Variants in RPS6KA2 observed in about 807,000 individuals in gnomAD.
The protein encoded by RPS6KA2 is ribosomal protein S6 kinase A2.
RPS6KA2 carries 42 observed loss-of-function variants against 91.8 expected under a neutral mutation model. That is an observed-to-expected ratio of 0.46 (90% CI 0.36 to 0.59). The LOEUF is 0.59. RPS6KA2 is among the 20% of genes least tolerant of loss of function. The pLI, the probability that RPS6KA2 is intolerant of heterozygous loss-of-function variation, is 0.00. For synonymous variants in RPS6KA2, 414 were observed against 393.6 expected, an observed-to-expected ratio of 1.05 and a Z score of -0.61; for missense variants, 798 against 978.5, an observed-to-expected ratio of 0.82 and a Z score of 2.46.
At chr6:166,742,137 A>C (rs1790834896) in intron 2 of RPS6KA2, among the ~76,000 whole-genome samples, 1 of 152,138 alleles carries the variant, frequency 6.6e-6, no homozygotes, top group Non-Finnish European at 1.5e-5. Context: ...CATCTCAAAA[A>C]CAAAAAACAA....
chr6:166,564,193 T>C (rs557020453), intron 1 of RPS6KA2, among the ~76,000 whole-genome samples: 1 of 152,354 alleles, frequency 6.6e-6, no homozygotes, highest in South Asian at 2.1e-4. Flanking sequence ...TCATAGTTCT[T>C]TCCTCCTCCA....
intron 1 of RPS6KA2, among the ~76,000 whole-genome samples, chr6:166,561,171 CT>C (rs1190044067): frequency 2.6e-5 from 4 of 152,028 alleles, no homozygotes; most frequent in Non-Finnish European, 5.9e-5. Flanking sequence ...CACACTCCCC[CT>C]GGAGCCCTAC....
intron 1 of RPS6KA2, among the ~76,000 whole-genome samples, chr6:166,622,314 C>A: frequency 6.6e-6 from 1 of 151,916 alleles, no homozygotes; most frequent in East Asian, 1.9e-4. Flanking sequence ...GAAATTGTGA[C>A]CACAAATAAG....
chr6:166,862,196 C>T, exon 1 of RPS6KA2: 1 of 1,613,868 alleles, frequency 6.2e-7, no homozygotes, highest in Non-Finnish European at 8.5e-7. Flanking sequence ...TTCTGCTGGT[C>T]GAGTATTGAT....
intron 2 of RPS6KA2, among the ~76,000 whole-genome samples, chr6:166,687,662 G>C (rs1789067060): frequency 1.3e-5 from 2 of 152,246 alleles, no homozygotes; most frequent in Non-Finnish European, 2.9e-5. Context: ...AATTTGCTCA[G>C]ATGTGGCTTA....
chr6:166,458,382 T>C (rs1780171456), intron 12 of RPS6KA2, among the ~76,000 whole-genome samples: 3 of 152,198 alleles, frequency 2.0e-5, no homozygotes, highest in Admixed American at 6.5e-5. Flanking sequence ...CCACGTAAGA[T>C]GGGGCTTGCT....
chr6:166,497,694 G>T (rs1308444290), intron 8 of RPS6KA2, among the ~76,000 whole-genome samples: 1 of 152,250 alleles, frequency 6.6e-6, no homozygotes, highest in Non-Finnish European at 1.5e-5. Flanking sequence ...AGGGGACGAG[G>T]AGTAGGGTGT....
In RPS6KA2 at chr6:166,423,178, G is replaced by C; in HGVS notation, c.1743+78C>G. On this transcript the variant is annotated intron_variant, in intron 17 of 20. Coordinates refer to ENST00000265678, the MANE Select transcript of RPS6KA2 (RefSeq NM_021135.6). The surrounding 1 kb of genome is among the most constrained non-coding windows in gnomAD (Gnocchi z 4.8). ...GCCGCCTCTGACATCCCCGCTGTCC[G>C]GTGGCTCTGCAGTGGGAGGGGGCAG... The C allele has an allele frequency of 6.9e-7, 1 of 1,446,546 alleles. No individual in the cohort carries two copies. 89.6% of individuals were successfully genotyped at this position (1,446,546 alleles called of 1,614,324 possible).
rs980035894 is a variant in RPS6KA2 at position 166,500,936 on chromosome 6, G to A, written c.567-12C>T. The A allele has an allele frequency of 6.2e-7, 1 of 1,613,462 alleles. No homozygotes were observed. Among genetic ancestry groups the A allele is most frequent in the South Asian group, 1.1e-5 (1 of 91,016 alleles). On this transcript the variant is annotated splice_polypyrimidine_tract_variant and intron_variant, in intron 6 of 20. Transcript: ENST00000265678. The surrounding 1 kb of genome is among the most constrained non-coding windows in gnomAD (Gnocchi z 4.3). ...CATCCAGGAGGATGCTAAAAGAAAG[G>A]GAGAGAAAACAGATGCTTTAGAAAG...
Position 166,469,858 on chromosome 6 carries a change from C to A in RPS6KA2, c.955G>T (p.Val319Leu). 6.2e-7 allele frequency: 1 copy of A among 1,614,204 alleles called. No individual in the cohort carries two copies. The highest frequency in any genetic ancestry group is 8.5e-7 in the Non-Finnish European group (1 of 1,180,010). ...CAACTTACGTTCCAGTCTATGGTCACAAAGAAGGGATGGCGCTTAATTTCC... is the reference window on the plus strand; with the variant it reads ...CAACTTACGTTCCAGTCTATGGTCAAAAAGAAGGGATGGCGCTTAATTTCC... ...VEEIKRHPFF[V>L]TIDWNTLYRK... The change falls in exon 11 of 21, where the codon GTG becomes TTG. Residue 319 changes from valine to leucine, a missense_variant. By Grantham distance (32) the Val-to-Leu change is conservative. Transcript: ENST00000265678.
rs1780693925 is a variant in RPS6KA2, at chr6:166,849,822, G to C, written c.123+8378C>G. ...TGAATTCTCGCCTTCGCTTTCTTTG[G>C]AAATGGTTTTATAGGGTTTGCTCCA... On this transcript the variant is annotated intron_variant, in intron 2 of 21. Transcript: ENST00000503859. This position sits in a 1 kb window ranked among gnomAD's most constrained non-coding sequence, Gnocchi z 4.9. 6.6e-6 allele frequency among the ~76,000 whole-genome samples: 1 copy of C among 152,200 alleles called. No homozygotes were observed. Among genetic ancestry groups the C allele is most frequent in the South Asian group, 2.1e-4 (1 of 4,832 alleles).
At chr6:166,759,647 A>G (rs559327599) in intron 2 of RPS6KA2, among the ~76,000 whole-genome samples, 78 of 152,368 alleles carry the variant, frequency 5.1e-4, no homozygotes, top group African/African-American at 1.6e-3. Context: ...CTTTTCTCCA[A>G]AATGAATCCA....
intron 2 of RPS6KA2, among the ~76,000 whole-genome samples, chr6:166,731,494 CA>C (rs1790517640): frequency 6.6e-6 from 1 of 152,100 alleles, no homozygotes; most frequent in Non-Finnish European, 1.5e-5. Flanking sequence ...GACAAAGTAA[CA>C]AATGTCGGAA....
chr6:166,802,555 A>G (rs1189550550), intron 2 of RPS6KA2, among the ~76,000 whole-genome samples: 1 of 152,190 alleles, frequency 6.6e-6, no homozygotes, highest in Non-Finnish European at 1.5e-5. Context: ...GCCAGACACT[A>G]ACGGGAATGT....
At chr6:166,814,904 T>C (rs1779724984) in intron 2 of RPS6KA2, among the ~76,000 whole-genome samples, 1 of 152,204 alleles carries the variant, frequency 6.6e-6, no homozygotes, top group Admixed American at 6.5e-5. Context: ...AGTGTAATAA[T>C]AATGGAAATA....
intron 3 of RPS6KA2, among the ~76,000 whole-genome samples, chr6:166,522,609 G>A (rs1293434625): frequency 6.6e-6 from 1 of 152,204 alleles, no homozygotes; most frequent in Non-Finnish European, 1.5e-5. Context: ...CCCACTGCGC[G>A]GCCATTGCCT....
intron 2 of RPS6KA2, among the ~76,000 whole-genome samples, chr6:166,669,614 C>T (rs1023858071): frequency 6.6e-5 from 10 of 152,210 alleles, no homozygotes; most frequent in African/African-American, 1.4e-4. Flanking sequence ...TTCCAAGTCT[C>T]GCTGCCTTCT....
intron 2 of RPS6KA2, among the ~76,000 whole-genome samples, chr6:166,667,256 CAT>C (rs1290661339): frequency 2.0e-5 from 3 of 152,134 alleles, no homozygotes; most frequent in Admixed American, 6.5e-5. Context: ...TTTAACGTCA[CAT>C]GTTTTACTCA....
rs756019788 is a variant in RPS6KA2 at position 166,766,926 on chromosome 6, C to T, written c.123+91274G>A. 5.9e-5 allele frequency among the ~76,000 whole-genome samples: 9 copies of T among 152,212 alleles called. No individual in the cohort carries two copies. In the South Asian group the frequency reaches 6.2e-4, roughly 11 times the overall value. Reference sequence around the variant, plus strand: ...GCCCCACAGTGTCTGGACCCAGCTGCGTGGCCCTGTGGGCCTAACGTGCCT... The same window carrying T: ...GCCCCACAGTGTCTGGACCCAGCTGTGTGGCCCTGTGGGCCTAACGTGCCT... On this transcript the variant is annotated intron_variant, in intron 2 of 21. Transcript: ENST00000503859.
Sources: allele counts gnomAD v4.1 joint callset (sites outside exome capture counted in the v4.1 genomes callset), GRCh38; gene constraint gnomAD v4.1.1; non-coding constraint Gnocchi (gnomAD v3.1); transcripts MANE v1.5; gene names NCBI Gene and HGNC (gene_info 2026-07-23, HGNC 2026-07-21).